The following MKLN1 variants were observed in gnomAD, a reference collection of about 807,000 sequenced individuals.
MKLN1 encodes muskelin 1.
A neutral mutation model predicts 99.0 loss-of-function variants in MKLN1; 18 were observed. That is an observed-to-expected ratio of 0.18 (90% CI 0.13 to 0.27). MKLN1 has a LOEUF of 0.27. MKLN1 is among the 10% of genes least tolerant of loss of function. The probability of loss-of-function intolerance (pLI) is 1.00; values close to 1 mark genes in which losing one functional copy is unlikely to be tolerated. For synonymous variants in MKLN1, 288 were observed against 293.2 expected, an observed-to-expected ratio of 0.98 and a Z score of 0.18; for missense variants, 621 against 875.9, an observed-to-expected ratio of 0.71 and a Z score of 3.67.
At chr7:131,153,661 T>TTTG in intron 2 of MKLN1, among the ~76,000 whole-genome samples, 1 of 47,086 alleles carries the variant, frequency 2.1e-5, no homozygotes, top group Non-Finnish European at 6.5e-5. Context: ...TAGGTTTTTT[T>TTTG]TGGTTTTTTT....
At chr7:131,473,965 A>T (rs889395570) in intron 16 of MKLN1, among the ~76,000 whole-genome samples, 1 of 152,176 alleles carries the variant, frequency 6.6e-6, no homozygotes, top group East Asian at 1.9e-4. Flanking sequence ...CCTGGCCAAC[A>T]TGGTAAAACT....
rs192482723 is a variant in MKLN1 at position 131,487,981 on chromosome 7, A to T, written c.*253A>T. On this transcript the variant is annotated 3_prime_UTR_variant, in exon 18 of 18. Coordinates refer to ENST00000352689, the MANE Select transcript of MKLN1 (RefSeq NM_013255.5). This position sits in a 1 kb window ranked among gnomAD's most constrained non-coding sequence, Gnocchi z 4.7. ...TCCAGTTAAATATATATATATATAT[A>T]TTTTTTCTTACTTTATCTTTTAAGA... 9.4e-3 allele frequency: 1,604 copies of T among 169,826 alleles called. 6 individuals carry two copies. The highest frequency in any genetic ancestry group is 0.012 in the South Asian group (62 of 5,016). 10.5% of individuals were successfully genotyped at this position (169,826 alleles called of 1,614,324 possible).
chr7:131,308,672 A>G (rs1364749473), intron 3 of MKLN1, among the ~76,000 whole-genome samples: 1 of 151,418 alleles, frequency 6.6e-6, no homozygotes, highest in Non-Finnish European at 1.5e-5. Flanking sequence ...CGCAACGTCC[A>G]TCTCCCAGGT....
intron 3 of MKLN1, among the ~76,000 whole-genome samples, chr7:131,234,297 G>A (rs1797285281): frequency 6.6e-6 from 1 of 152,152 alleles, no homozygotes; most frequent in Non-Finnish European, 1.5e-5. Context: ...TCAAAAAATA[G>A]TCTAAGAGAG....
At chr7:131,254,698 C>T (rs892658521) in intron 3 of MKLN1, among the ~76,000 whole-genome samples, 1 of 151,654 alleles carries the variant, frequency 6.6e-6, no homozygotes, top group African/African-American at 2.4e-5. Flanking sequence ...TTTGAATTGG[C>T]ATACGAAAGA....
At chr7:131,133,581 T>C (rs1449041100) in intron 1 of MKLN1, among the ~76,000 whole-genome samples, 2 of 151,188 alleles carry the variant, frequency 1.3e-5, no homozygotes, top group Non-Finnish European at 3.0e-5. Context: ...CTCAATCTCC[T>C]GACCTCGTGA....
intron 8 of MKLN1, among the ~76,000 whole-genome samples, chr7:131,426,867 G>C (rs1250085522): frequency 6.6e-6 from 1 of 151,926 alleles, no homozygotes; most frequent in Non-Finnish European, 1.5e-5. Context: ...TGATTCTCCT[G>C]CCTCAGCCTC....
intron 6 of MKLN1, among the ~76,000 whole-genome samples, chr7:131,401,871 A>G (rs1036342601): frequency 2.6e-5 from 4 of 152,194 alleles, no homozygotes; most frequent in African/African-American, 9.6e-5. Context: ...AAAAAATGCT[A>G]ATGATCATCT....
intron 3 of MKLN1, among the ~76,000 whole-genome samples, chr7:131,220,148 A>T (rs1797040141): frequency 6.6e-6 from 1 of 152,252 alleles, no homozygotes; most frequent in African/African-American, 2.4e-5. Flanking sequence ...ATGTAACCAC[A>T]CATGAACAGA....
intron 3 of MKLN1, among the ~76,000 whole-genome samples, chr7:131,306,995 C>T (rs1036200581): frequency 6.6e-6 from 1 of 152,174 alleles, no homozygotes; most frequent in Non-Finnish European, 1.5e-5. Flanking sequence ...CAGGGCCCCA[C>T]TACTCTGCAG....
intron 2 of MKLN1, among the ~76,000 whole-genome samples, chr7:131,144,891 C>T (rs931287515): frequency 3.3e-5 from 5 of 152,016 alleles, no homozygotes; most frequent in African/African-American, 1.2e-4. Flanking sequence ...GCAGGAGAAT[C>T]GCTTGAACCC....
chr7:131,468,254 A>G (rs1796713650), intron 15 of MKLN1, among the ~76,000 whole-genome samples: 1 of 152,230 alleles, frequency 6.6e-6, no homozygotes, highest in Non-Finnish European at 1.5e-5. Flanking sequence ...TTCAGACAAT[A>G]AAAGGCTTAT....
At chr7:131,348,530 GTT>G (rs59281845) in intron 1 of MKLN1, among the ~76,000 whole-genome samples, 2 of 144,854 alleles carry the variant, frequency 1.4e-5, no homozygotes. Context: ...TAGTCGTTGG[GTT>G]TTTTTTTTTT....
intron 3 of MKLN1, among the ~76,000 whole-genome samples, chr7:131,227,354 TTC>T (rs1014907617): frequency 2.6e-5 from 4 of 151,462 alleles, no homozygotes; most frequent in African/African-American, 7.3e-5. Flanking sequence ...CTTTCTTTCC[TTC>T]TCTCTCTTTC....
chr7:131,446,847 G>A (rs1796032251), intron 12 of MKLN1, among the ~76,000 whole-genome samples: 1 of 152,204 alleles, frequency 6.6e-6, no homozygotes, highest in South Asian at 2.1e-4. Flanking sequence ...GGACATGGGA[G>A]GATTGCTTGA....
intron 8 of MKLN1, among the ~76,000 whole-genome samples, chr7:131,417,827 T>C (rs1444387602): frequency 6.6e-6 from 1 of 152,202 alleles, no homozygotes; most frequent in Non-Finnish European, 1.5e-5. Context: ...AATATTGACG[T>C]TAGTTACGTC....
At chr7:131,386,350 T>C (rs1584682959) in intron 2 of MKLN1, among the ~76,000 whole-genome samples, 1 of 152,260 alleles carries the variant, frequency 6.6e-6, no homozygotes, top group East Asian at 1.9e-4. Context: ...GGATCAGTTT[T>C]TATCCATTTT....
At position 131,445,807 on chromosome 7, in the gene MKLN1, C is replaced by A. The variant is rs1448431028; in HGVS notation, c.1429C>A (p.Arg477=). Residue 477 remains arginine, a synonymous_variant, in exon 12 of 18, where the codon CGA becomes AGA. Transcript: ENST00000352689. ...TTGCTTATATGTATTTGGTGGCCAG[C>A]GATCAAAGACCTATTTGAATGATTT... ...NRCLYVFGGQ[R]SKTYLNDFFS... 1.2e-6 allele frequency: 2 copies of A among 1,602,368 alleles called. No homozygotes were observed. Among genetic ancestry groups the A allele is most frequent in the Non-Finnish European group, 1.7e-6 (2 of 1,173,834 alleles).
intron 10 of MKLN1, among the ~76,000 whole-genome samples, chr7:131,439,335 TAG>T (rs1331534286): frequency 1.3e-5 from 2 of 152,106 alleles, no homozygotes; most frequent in African/African-American, 4.8e-5. Flanking sequence ...GAGTAGCACA[TAG>T]AGAGTTCTTG....
Sources: allele counts gnomAD v4.1 joint callset (sites outside exome capture counted in the v4.1 genomes callset), GRCh38; gene constraint gnomAD v4.1.1; non-coding constraint Gnocchi (gnomAD v3.1); transcripts MANE v1.5; gene names NCBI Gene and HGNC (gene_info 2026-07-23, HGNC 2026-07-21).